SLC2A13: variants seen among roughly 807,000 people sequenced by gnomAD.
The protein encoded by SLC2A13 is proton myo-inositol cotransporter.
In SLC2A13, 32 loss-of-function variants were observed where a neutral mutation model predicts 64.4. The observed-to-expected ratio is 0.50, with a 90% CI of 0.37 to 0.67. The LOEUF is 0.67. SLC2A13 is among the 30% of genes least tolerant of loss of function. The pLI is 0.00. For synonymous variants in SLC2A13, 338 were observed against 327.1 expected (o/e 1.03, Z -0.36); for missense variants, 743 against 829.2 (o/e 0.90, Z 1.28).
At position 39,864,831 on chromosome 12, in the gene SLC2A13, T is replaced by G. The variant is rs761553310; in HGVS notation, c.1250A>C (p.Gln417Pro). Reference protein sequence around the residue: ...ILALGFVLSAQVSPRITFKPI... With the variant: ...ILALGFVLSAPVSPRITFKPI... Reference sequence around the variant, plus strand: ...CTTAAAAGTGATGCGTGGGGAAACTTGGGCTGATAGCACAAATCCCAAGGC... The same window carrying G: ...CTTAAAAGTGATGCGTGGGGAAACTGGGGCTGATAGCACAAATCCCAAGGC... Residue 417 changes from glutamine to proline, a missense_variant, in exon 6 of 10, where the codon CAA (glutamine) becomes CCA (proline). By Grantham distance (76) the Gln-to-Pro change is moderately conservative (BLOSUM62 -1). This residue lies in a region of SLC2A13 where 295 missense variants were observed against 381.7 expected (regional missense o/e 0.77). Transcript: ENST00000280871. 6.2e-7 allele frequency: 1 copy of G among 1,614,000 alleles called. No individual in the cohort carries two copies. The highest frequency in any genetic ancestry group is 8.5e-7 in the Non-Finnish European group (1 of 1,179,950).
rs920411451 is a variant in SLC2A13, at chr12:40,003,949, C to T, written c.925+24352G>A. Among the ~76,000 whole-genome samples, 5 of 151,510 alleles carry T rather than the reference C, an allele frequency of 3.3e-5. No individual in the cohort carries two copies. In the East Asian group the frequency reaches 5.9e-4, roughly 18 times the overall value. On this transcript the variant is annotated intron_variant, in intron 3 of 9. Transcript: ENST00000280871. ...CAGAGGTTGCAGTGAGCCGAGAGTGCGCCATTGCACTCCAGCCTGGGCAAT... is the reference window on the plus strand; with the variant it reads ...CAGAGGTTGCAGTGAGCCGAGAGTGTGCCATTGCACTCCAGCCTGGGCAAT...
chr12:39,933,064 A>C (rs1945856385), intron 4 of SLC2A13, among the ~76,000 whole-genome samples: 1 of 132,174 alleles, frequency 7.6e-6, no homozygotes, highest in South Asian at 2.6e-4. Context: ...TGTCTCTACC[A>C]AAAAAAATAC....
At chr12:39,978,482 G>T (rs189032285) in intron 3 of SLC2A13, among the ~76,000 whole-genome samples, 4 of 152,216 alleles carry the variant, frequency 2.6e-5, no homozygotes, top group Non-Finnish European at 5.9e-5. Flanking sequence ...TGCGCGAGCC[G>T]AAGCAGGGCG....
chr12:39,774,419 A>G (rs1259478099), intron 7 of SLC2A13, among the ~76,000 whole-genome samples: 1 of 152,182 alleles, frequency 6.6e-6, no homozygotes, highest in Admixed American at 6.5e-5. Context: ...TTCCTATTTA[A>G]TAATCTAAAA....
At chr12:40,055,010 G>T (rs1948313170) in intron 1 of SLC2A13, among the ~76,000 whole-genome samples, 1 of 152,194 alleles carries the variant, frequency 6.6e-6, no homozygotes, top group South Asian at 2.1e-4. Context: ...AAAAGAAACA[G>T]AGTCTGTCAA....
At chr12:40,091,893 AG>A (rs1271127266) in intron 1 of SLC2A13, among the ~76,000 whole-genome samples, 1 of 152,244 alleles carries the variant, frequency 6.6e-6, no homozygotes, top group East Asian at 1.9e-4. Context: ...AATAAGCAGC[AG>A]GAATTACGTT....
chr12:39,820,744 TA>T (rs1942476005), intron 7 of SLC2A13, among the ~76,000 whole-genome samples: 1 of 8,398 alleles, frequency 1.2e-4, no homozygotes, highest in Non-Finnish European at 1.8e-4. Context: ...TATATATATA[TA>T]TATATATATA....
intron 4 of SLC2A13, among the ~76,000 whole-genome samples, chr12:39,941,074 CAT>C (rs1018357804): frequency 2.6e-5 from 4 of 151,578 alleles, no homozygotes; most frequent in Non-Finnish European, 5.9e-5. Flanking sequence ...AGTATTCCAT[CAT>C]ATATATATGA....
chr12:39,819,999 A>G (rs1223381317), intron 7 of SLC2A13: 1 of 152,222 alleles, frequency 6.6e-6, no homozygotes, highest in Non-Finnish European at 1.5e-5. Context: ...AACAGAGTTT[A>G]AATTCTGTTA....
intron 2 of SLC2A13, among the ~76,000 whole-genome samples, chr12:40,042,959 G>GAAAAAAA (rs58322891): frequency 9.0e-6 from 1 of 111,462 alleles, no homozygotes; most frequent in African/African-American, 3.5e-5. Flanking sequence ...GCATAAGAAT[G>GAAAAAAA]AAAAAAAAAA....
intron 7 of SLC2A13, among the ~76,000 whole-genome samples, chr12:39,769,366 G>T (rs1477800210): frequency 6.6e-6 from 1 of 151,998 alleles, no homozygotes; most frequent in Non-Finnish European, 1.5e-5. Context: ...CAGGAATTTG[G>T]AGATGCTTTG....
chr12:40,094,135 G>C (rs1441990517), intron 1 of SLC2A13, among the ~76,000 whole-genome samples: 1 of 152,102 alleles, frequency 6.6e-6, no homozygotes, highest in East Asian at 1.9e-4. Context: ...ACTGGATAAG[G>C]GGCACATGAG....
chr12:39,990,769 T>C (rs1369088143), intron 3 of SLC2A13, among the ~76,000 whole-genome samples: 1 of 152,206 alleles, frequency 6.6e-6, no homozygotes, highest in African/African-American at 2.4e-5. Flanking sequence ...ATGCATTATA[T>C]GATCACAGTT....
intron 4 of SLC2A13, among the ~76,000 whole-genome samples, chr12:39,941,667 G>C (rs750537880): frequency 6.6e-6 from 1 of 152,118 alleles, no homozygotes; most frequent in Non-Finnish European, 1.5e-5. Flanking sequence ...CTGGATATTA[G>C]TCCTTTGTCA....
At chr12:39,786,796 C>T (rs1167817266) in intron 7 of SLC2A13, among the ~76,000 whole-genome samples, 4 of 152,172 alleles carry the variant, frequency 2.6e-5, no homozygotes, top group Non-Finnish European at 5.9e-5. Flanking sequence ...TAAATCCCCT[C>T]TCTCCTGTAA....
chr12:39,797,581 G>A lies in SLC2A13; in HGVS notation c.1445+32522C>T, dbSNP rs73272586. Among the ~76,000 whole-genome samples the A allele has an allele frequency of 7.5e-3, 1,135 of 152,158 alleles. 12 individuals carry two copies. Among genetic ancestry groups the A allele is most frequent in the African/African-American group, 0.026 (1,083 of 41,508 alleles). ...TCACATAGATTATGAGGACAACTTC[G>A]TCCCTTTTGTTGTCTCTCATTGGTA... On this transcript the variant is annotated intron_variant, in intron 7 of 9. Coordinates refer to ENST00000280871, the MANE Select transcript of SLC2A13 (RefSeq NM_052885.4).
At position 40,048,098 on chromosome 12, in the gene SLC2A13, T is replaced by G. The variant is rs147733335; in HGVS notation, c.669A>C (p.Ala223=). The G allele has an allele frequency of 6.7e-4, 1,073 of 1,613,474 alleles. 1 individual carries two copies. Among genetic ancestry groups the G allele is most frequent in the African/African-American group, 2.5e-3 (188 of 75,014 alleles). The stretch of plus-strand genomic sequence containing the variant: ...AACTGAAGGCTCCATCAACAACACT[T>G]GCAAAGAACTGCCCTCCTGTGATGA... The part of the protein sequence containing the change: ...TLFITGGQFF[A]SVVDGAFSYL... The change falls in exon 2 of 10, where the codon GCA becomes GCC. Residue 223 remains alanine, a synonymous_variant. Coordinates refer to ENST00000280871, the MANE Select transcript of SLC2A13 (RefSeq NM_052885.4).
rs1193677503 is a variant in SLC2A13 at position 39,895,547 on chromosome 12, T to TAC, written c.1035-23587_1035-23586insGT. 2.1e-4 allele frequency among the ~76,000 whole-genome samples: 18 copies of TAC among 83,818 alleles called. 1 individual carries two copies. Among genetic ancestry groups the TAC allele is most frequent in the African/African-American group, 8.2e-4 (18 of 21,972 alleles). The allele number at this position is 83,818 out of a possible 152,430, so 55.0% of individuals were successfully genotyped here. On this transcript the variant is annotated intron_variant, in intron 4 of 9. Coordinates refer to ENST00000280871, the MANE Select transcript of SLC2A13 (RefSeq NM_052885.4). The stretch of plus-strand genomic sequence containing the variant: ...ATATATATATATATATATATATATA[T>TAC]ATATACACACACACACACACGTGTA...
chr12:39,953,953 G>C (rs1046003510), intron 3 of SLC2A13, among the ~76,000 whole-genome samples: 2 of 152,084 alleles, frequency 1.3e-5, no homozygotes, highest in African/African-American at 4.8e-5. Context: ...GCCTACAGAA[G>C]GTTTTCTAAG....
Sources: allele counts gnomAD v4.1 joint callset (sites outside exome capture counted in the v4.1 genomes callset), GRCh38; gene constraint gnomAD v4.1.1; regional missense constraint gnomAD v4.1.1; transcripts MANE v1.5; gene names NCBI Gene and HGNC (gene_info 2026-07-23, HGNC 2026-07-21).